AGMO: variants seen among roughly 807,000 people sequenced by gnomAD.
AGMO encodes the protein glyceryl-ether monooxygenase.
Under a neutral mutation model 60.2 loss-of-function variants are expected in AGMO, and 75 were observed. That is an observed-to-expected ratio of 1.25 (90% CI 1.03 to 1.51). AGMO has a LOEUF of 1.51. Ranked by LOEUF, AGMO falls within the 40% of genes most tolerant of loss-of-function variation. The probability of loss-of-function intolerance (pLI) is 0.00; values close to 1 mark genes in which losing one functional copy is unlikely to be tolerated. For synonymous variants in AGMO, 261 were observed against 177.1 expected (o/e 1.47, Z -3.76); for missense variants, 763 against 525.5 (o/e 1.45, Z -4.42).
intron 12 of AGMO, among the ~76,000 whole-genome samples, chr7:15,261,215 A>G (rs1323626890): frequency 2.6e-5 from 4 of 152,120 alleles, no homozygotes; most frequent in African/African-American, 9.6e-5. Flanking sequence ...AAATTAAACC[A>G]AAAGCTTGTT....
At chr7:15,472,565 C>G (rs1411063849) in intron 3 of AGMO, among the ~76,000 whole-genome samples, 1 of 151,840 alleles carries the variant, frequency 6.6e-6, no homozygotes, top group Non-Finnish European at 1.5e-5. Context: ...TGCAGTGTTG[C>G]TTTGAGAAAG....
intron 3 of AGMO, among the ~76,000 whole-genome samples, chr7:15,440,899 C>A (rs534104434): frequency 1.2e-4 from 19 of 152,288 alleles, no homozygotes; most frequent in Admixed American, 9.8e-4. Flanking sequence ...TTTCTCTTAG[C>A]TCCATCATTC....
chr7:15,344,444 A>C (rs893351649), intron 12 of AGMO, among the ~76,000 whole-genome samples: 6 of 152,198 alleles, frequency 3.9e-5, no homozygotes, highest in African/African-American at 1.4e-4. Context: ...TCACTCCTGT[A>C]ATGCCAGCAC....
At chr7:15,330,828 C>A (rs1407962362) in intron 12 of AGMO, among the ~76,000 whole-genome samples, 1 of 151,688 alleles carries the variant, frequency 6.6e-6, no homozygotes, top group East Asian at 1.9e-4. Flanking sequence ...TTTTAATCTG[C>A]CAAATGGAAG....
chr7:15,390,819 A>AT (rs1386940253), intron 7 of AGMO, 21 bp downstream of exon 7: 10 of 1,590,050 alleles, frequency 6.3e-6, no homozygotes, highest in Non-Finnish European at 8.6e-6. Context: ...TAATTTTTTG[A>AT]TTTTAATACA....
chr7:15,512,006 T>TAC (rs201098254), intron 3 of AGMO, among the ~76,000 whole-genome samples: 5 of 71,420 alleles, frequency 7.0e-5, no homozygotes, highest in South Asian at 9.6e-4. Flanking sequence ...GCCAAGAGAA[T>TAC]ACACACAAAA....
At chr7:15,379,008 CTT>C (rs896686478) in intron 10 of AGMO, among the ~76,000 whole-genome samples, 1 of 152,012 alleles carries the variant, frequency 6.6e-6, no homozygotes, top group Non-Finnish European at 1.5e-5. Context: ...TCCTGAATCA[CTT>C]TTCGGTAAAT....
chr7:15,452,847 GATAA>G (rs578044010), intron 3 of AGMO, among the ~76,000 whole-genome samples: 5 of 152,106 alleles, frequency 3.3e-5, no homozygotes, highest in Non-Finnish European at 4.4e-5. Context: ...ATGATAAATG[GATAA>G]ATAAATTGTG....
At chr7:15,318,010 A>ATT (rs5882495) in intron 12 of AGMO, among the ~76,000 whole-genome samples, 29 of 137,884 alleles carry the variant, frequency 2.1e-4, no homozygotes, top group East Asian at 8.5e-4. Flanking sequence ...ATATACATAT[A>ATT]TTTTTTTTTT....
chr7:15,287,527 C>A (rs1784132811), intron 12 of AGMO, among the ~76,000 whole-genome samples: 1 of 152,106 alleles, frequency 6.6e-6, no homozygotes, highest in Non-Finnish European at 1.5e-5. Context: ...GATTATTTAA[C>A]CTATCTTGCT....
intron 12 of AGMO, among the ~76,000 whole-genome samples, chr7:15,364,034 T>C (rs565542269): frequency 1.3e-5 from 2 of 152,020 alleles, no homozygotes; most frequent in Non-Finnish European, 2.9e-5. Flanking sequence ...AACATACACA[T>C]TAAATCAACT....
At chr7:15,251,228 G>A (rs1301985705) in intron 12 of AGMO, among the ~76,000 whole-genome samples, 1 of 151,958 alleles carries the variant, frequency 6.6e-6, no homozygotes, top group Non-Finnish European at 1.5e-5. Flanking sequence ...ACAAATTAAG[G>A]AGTATACACA....
At chr7:15,234,369 C>T (rs557668715) in intron 12 of AGMO, among the ~76,000 whole-genome samples, 27 of 152,304 alleles carry the variant, frequency 1.8e-4, no homozygotes, top group Admixed American at 9.1e-4. Context: ...CTTTCCCCCA[C>T]ACAGCAAAAG....
In AGMO at chr7:15,402,983, C is replaced by A. The variant is rs187179455; in HGVS notation, c.610-8804G>T. ...GAAGGAAATTTACACTCCAATGGAC[C>A]CTTCAATGGAAAGTTTAAACTGTAT... On this transcript the variant is annotated intron_variant, in intron 5 of 12. Transcript: ENST00000342526. Among the ~76,000 whole-genome samples, 747 of 151,624 alleles carry A rather than the reference C, an allele frequency of 4.9e-3. 1 individual carries two copies. The highest frequency in any genetic ancestry group is 0.01 in the Middle Eastern group (3 of 294).
chr7:15,317,008 G>T (rs1010081486), intron 12 of AGMO, among the ~76,000 whole-genome samples: 1 of 152,138 alleles, frequency 6.6e-6, no homozygotes, highest in African/African-American at 2.4e-5. Flanking sequence ...AATGCATCAA[G>T]CATATCCACA....
Position 15,394,100 on chromosome 7 carries a change from A to G in AGMO, c.676+13T>C. 2 of 1,592,220 alleles carry G rather than the reference A, an allele frequency of 1.3e-6. No homozygotes were observed. The highest frequency in any genetic ancestry group is 4.8e-5 in the East Asian group (2 of 41,440). ...GAAATGAAGAAAAGAGAGAAGAAAC[A>G]AAACTTCCTTACCATGATGAACCCT... On this transcript the variant is annotated intron_variant, in intron 6 of 12. Coordinates refer to ENST00000342526, the MANE Select transcript of AGMO (RefSeq NM_001004320.2).
rs560796478 is a variant in AGMO at position 15,318,215 on chromosome 7, G to C, written c.1263+47299C>G. ...GAGACGGGTTTCACTGTGTTGGCCA[G>C]GCTGGTCTCGAATCCTGATCTCAAG... On this transcript the variant is annotated intron_variant, in intron 12 of 12. Transcript: ENST00000342526. Among the ~76,000 whole-genome samples the C allele has an allele frequency of 4.2e-4, 64 of 151,940 alleles. 1 individual carries two copies. In the East Asian group the frequency reaches 0.012, roughly 28 times the overall value.
intron 12 of AGMO, among the ~76,000 whole-genome samples, chr7:15,354,504 A>ACACACGTG (rs1451727408): frequency 1.1e-4 from 4 of 35,586 alleles, no homozygotes; most frequent in African/African-American, 6.7e-4. Flanking sequence ...GTGTATATAT[A>ACACACGTG]TATATATATA....
intron 12 of AGMO, among the ~76,000 whole-genome samples, chr7:15,353,894 T>A (rs1782351088): frequency 6.6e-6 from 1 of 152,154 alleles, no homozygotes; most frequent in Admixed American, 6.5e-5. Flanking sequence ...ATAAAGATGA[T>A]GCATAGAAAA....
Sources: gnomAD v4.1 joint callset for allele counts (sites outside exome capture counted in the v4.1 genomes callset) on GRCh38, gnomAD v4.1.1 for gene constraint, MANE v1.5 for transcripts, NCBI Gene and HGNC (gene_info 2026-07-23, HGNC 2026-07-21) for gene names.